CSPP1: variants seen among roughly 807,000 people sequenced by gnomAD.
CSPP1 encodes the protein centrosome and spindle pole-associated protein 1.
In CSPP1, 126 loss-of-function variants were observed where a neutral mutation model predicts 164.4. The ratio of observed to expected loss-of-function variants is 0.77; its 90% CI spans 0.66 to 0.89. The LOEUF is 0.89. CSPP1 is among the 40% of genes least tolerant of loss of function. The pLI, the probability that CSPP1 is intolerant of heterozygous loss-of-function variation, is 0.00. For synonymous variants in CSPP1, 472 were observed against 476.7 expected (o/e 0.99, Z 0.13); for missense variants, 1,395 against 1,449.8 (o/e 0.96, Z 0.61).
intron 3 of CSPP1, chr8:67,084,084 A>C (rs1014952876): frequency 6.6e-6 from 1 of 152,206 alleles, no homozygotes. Flanking sequence ...CATTCTGAAC[A>C]TGAGAATCAA....
chr8:67,192,446 C>G (rs1836620114), intron 29 of CSPP1, among the ~76,000 whole-genome samples: 1 of 152,122 alleles, frequency 6.6e-6, no homozygotes, highest in African/African-American at 2.4e-5. Flanking sequence ...CACTACAAGT[C>G]TAGTTATCAA....
intron 29 of CSPP1, among the ~76,000 whole-genome samples, chr8:67,191,958 G>A (rs538578548): frequency 6.6e-6 from 1 of 152,056 alleles, no homozygotes; most frequent in South Asian, 2.1e-4. Context: ...TGGTGTCATG[G>A]TGGTTTTGAG....
chr8:67,074,461 AGTAT>A, intron 2 of CSPP1, 110 bp downstream of exon 2: 1 of 613,472 alleles, frequency 1.6e-6, no homozygotes, highest in Non-Finnish European at 2.7e-6. Flanking sequence ...TCTGTTTTGT[AGTAT>A]GCTGTCATTC....
chr8:67,187,195 A>G (rs920152133), intron 28 of CSPP1, among the ~76,000 whole-genome samples: 6 of 152,230 alleles, frequency 3.9e-5, no homozygotes, highest in African/African-American at 1.4e-4. Flanking sequence ...CCAGCAAGTT[A>G]TTATGTGGAT....
intron 15 of CSPP1, among the ~76,000 whole-genome samples, chr8:67,130,230 C>T (rs1447505136): frequency 6.6e-6 from 1 of 152,186 alleles, no homozygotes; most frequent in Non-Finnish European, 1.5e-5. Context: ...CAATTATTTC[C>T]TCCCTTTCAT....
chr8:67,184,003 C>T (rs755584109), intron 28 of CSPP1, among the ~76,000 whole-genome samples: 1 of 151,980 alleles, frequency 6.6e-6, no homozygotes, highest in African/African-American at 2.4e-5. Flanking sequence ...CAGGCGCCTG[C>T]CACCACGCCT....
In CSPP1 at chr8:67,118,358, G is replaced by T. The variant is rs1818334688; in HGVS notation, c.1607G>T (p.Ser536Ile). The T allele has an allele frequency of 6.2e-7, 1 of 1,613,506 alleles. No individual in the cohort carries two copies. Among genetic ancestry groups the T allele is most frequent in the Non-Finnish European group, 8.5e-7 (1 of 1,179,656 alleles). Reference protein sequence around the residue: ...FYGSRNTFDPSLAYYGSGMMG... With the variant: ...FYGSRNTFDPILAYYGSGMMG... ...GGGTCCAGGAATACTTTCGATCCCA[G>T]TCTTGCTTATTGTAAGTTATCTATA... Residue 536 changes from serine (S) to isoleucine (I), a missense_variant, in exon 14 of 31, where the codon AGT becomes ATT. Coordinates refer to ENST00000678616, the MANE Select transcript of CSPP1 (RefSeq NM_001382391.1).
intron 3 of CSPP1, chr8:67,083,545 AAAAATAT>A (rs1332641790): frequency 2.1e-4 from 28 of 134,240 alleles, no homozygotes; most frequent in African/African-American, 7.9e-4. Flanking sequence ...AAAAAAAAAA[AAAAATAT>A]ATATATATAT....
intron 28 of CSPP1, 110 bp downstream of exon 28, chr8:67,180,036 A>C: frequency 1.8e-6 from 1 of 549,548 alleles, no homozygotes; most frequent in Non-Finnish European, 3.1e-6. Context: ...AAAAAAAAAA[A>C]GGAATATTCT....
chr8:67,118,924 G>T (rs1184200301), intron 15 of CSPP1, 103 bp downstream of exon 15: 2 of 734,086 alleles, frequency 2.7e-6, no homozygotes, highest in Non-Finnish European at 4.8e-6. Flanking sequence ...ATACTATTTA[G>T]TGGTATTTAA....
intron 25 of CSPP1, chr8:67,174,459 A>G (rs1283487466): frequency 6.6e-6 from 1 of 152,148 alleles, no homozygotes; most frequent in Non-Finnish European, 1.5e-5. Flanking sequence ...TTTCTTCTCA[A>G]GATTAAAAAA....
intron 17 of CSPP1, 51 bp downstream of exon 17, chr8:67,137,654 C>G (rs762742347): frequency 1.5e-6 from 2 of 1,313,366 alleles, no homozygotes; most frequent in Non-Finnish European, 2.0e-6. Context: ...TTATTTTTAA[C>G]TTTTTAAAAG....
At chr8:67,078,553 G>A (rs1349745841) in intron 3 of CSPP1, among the ~76,000 whole-genome samples, 6 of 152,044 alleles carry the variant, frequency 3.9e-5, no homozygotes, top group South Asian at 2.1e-4. Flanking sequence ...GTGGTGTTTC[G>A]CTATGTTGCC....
At position 67,095,676 on chromosome 8, in the gene CSPP1, G is replaced by A. The variant is rs1446123007; in HGVS notation, c.867G>A (p.Arg289=). 14 of 1,610,914 alleles carry A rather than the reference G, an allele frequency of 8.7e-6. No individual in the cohort carries two copies. The highest frequency in any genetic ancestry group is 1.2e-5 in the Non-Finnish European group (14 of 1,178,850). The change falls in exon 7 of 31, where the codon AGG becomes AGA. Residue 289 remains arginine (R), a synonymous_variant. Transcript: ENST00000678616. ...DPEVSEEMDE[R]FRYESDFDRR... is the part of the protein sequence containing the mutation. ...AAGTAAGTGAAGAAATGGATGAGAG[G>A]TTTAGATATGAAAGTGATTTTGATA...
At chr8:67,080,549 C>T (rs1298232127) in intron 3 of CSPP1, among the ~76,000 whole-genome samples, 2 of 152,212 alleles carry the variant, frequency 1.3e-5, no homozygotes, top group African/African-American at 4.8e-5. Flanking sequence ...CATAGGCCTC[C>T]ACAAGACTGC....
At position 67,153,250 on chromosome 8, in the gene CSPP1, G is replaced by A. The variant is rs1220350254; in HGVS notation, c.2129-774G>A. Among the ~76,000 whole-genome samples the A allele has an allele frequency of 2.0e-5, 3 of 152,196 alleles. No homozygotes were observed. In the East Asian group the frequency reaches 5.8e-4, roughly 29 times the overall value. Reference sequence around the variant, plus strand: ...GCTTTAGTTTAATGGTATAAAGAATGAGTCAGAAACTCAAAAATAATATAA... The same window carrying A: ...GCTTTAGTTTAATGGTATAAAGAATAAGTCAGAAACTCAAAAATAATATAA... On this transcript the variant is annotated intron_variant, in intron 18 of 30. Transcript: ENST00000678616.
intron 21 of CSPP1, among the ~76,000 whole-genome samples, chr8:67,160,226 A>C (rs1370364454): frequency 3.3e-5 from 5 of 150,900 alleles, no homozygotes; most frequent in African/African-American, 1.2e-4. Flanking sequence ...TAAGAATTTA[A>C]GGTCGAGGCA....
In CSPP1 at chr8:67,137,489, C is replaced by T. The variant is rs760288983; in HGVS notation, c.1861C>T (p.Arg621Cys). The T allele has an allele frequency of 7.2e-6, 11 of 1,529,788 alleles. No individual in the cohort carries two copies. Among genetic ancestry groups the T allele is most frequent in the East Asian group, 6.9e-5 (3 of 43,308 alleles). The allele number at this position is 1,529,788 out of a possible 1,614,324, so 94.8% of individuals were successfully genotyped here. A position where few individuals can be genotyped will look rare whatever the true frequency, so the allele number is the denominator to read the frequency against. ...AAGAGAAGAAAGAAGGAAGAAAGAA[C>T]GTGAAGAAAAAGAAGAATATGAAGC... ...REREERRKKE[R>C]EEKEEYEAKL... Residue 621 changes from arginine to cysteine, a missense_variant, in exon 17 of 31, where the codon CGT becomes TGT. Physicochemically the swap from Arg to Cys is radical, Grantham distance 180. Coordinates refer to ENST00000678616, the MANE Select transcript of CSPP1 (RefSeq NM_001382391.1).
chr8:67,115,047 A>C (rs1008533047), intron 12 of CSPP1: 1 of 152,244 alleles, frequency 6.6e-6, no homozygotes, highest in Non-Finnish European at 1.5e-5. Context: ...ATTGCAGCAC[A>C]GCCTTGTTCA....
Sources: allele counts gnomAD v4.1 joint callset (sites outside exome capture counted in the v4.1 genomes callset), GRCh38; gene constraint gnomAD v4.1.1; transcripts MANE v1.5; gene names NCBI Gene and HGNC (gene_info 2026-07-23, HGNC 2026-07-21).